DYNC2LI1: variants seen among roughly 807,000 people sequenced by gnomAD.
DYNC2LI1 encodes the protein dynein cytoplasmic 2 light intermediate chain 1.
DYNC2LI1 carries 45 observed loss-of-function variants against 51.9 expected under a neutral mutation model. The observed-to-expected ratio is 0.87, with a 90% confidence interval of 0.68 to 1.11. The LOEUF (loss-of-function observed/expected upper bound fraction) is 1.11. Ranked by LOEUF, DYNC2LI1 falls within the 50% of genes most tolerant of loss-of-function variation. The probability of loss-of-function intolerance (pLI) is 0.00; values close to 1 mark genes in which losing one functional copy is unlikely to be tolerated. For synonymous variants in DYNC2LI1, 130 were observed against 137.8 expected (o/e 0.94, Z 0.40); for missense variants, 490 against 417.4 (o/e 1.17, Z -1.51).
chr2:43,817,463 T>G, the DYNC2LI1 span, among the ~76,000 whole-genome samples: 1 of 151,662 alleles, frequency 6.6e-6, no homozygotes, highest in South Asian at 2.1e-4. Flanking sequence ...CCAGCCTGGG[T>G]GACAGAGTGA....
At chr2:43,775,798 A>G (rs1202617475) in intron 1 of DYNC2LI1, 2 of 278,614 alleles carry the variant, frequency 7.2e-6, no homozygotes, top group Non-Finnish European at 1.4e-5. Context: ...GGTGATTCTC[A>G]TGCCTCAGCC....
In DYNC2LI1 at chr2:43,774,150, T is replaced by G. The variant is rs749446194; in HGVS notation, c.8+4T>G. The G allele has an allele frequency of 5.0e-6, 8 of 1,613,974 alleles. No individual in the cohort carries two copies. The highest frequency in any genetic ancestry group is 1.7e-5 in the Admixed American group (1 of 60,016). ...CCAGGCCGTCGACGATGCCCAGGTA[T>G]TCCCTGAACCCGGCTTGCGTGGGAA... On this transcript the variant is annotated splice_donor_region_variant and intron_variant, in intron 1 of 12. Coordinates refer to ENST00000260605, the MANE Select transcript of DYNC2LI1 (RefSeq NM_016008.4).
chr2:43,823,416 T>C, the DYNC2LI1 span, among the ~76,000 whole-genome samples: 1 of 152,050 alleles, frequency 6.6e-6, no homozygotes, highest in Non-Finnish European at 1.5e-5. Context: ...AGTCCTTCCC[T>C]CTTATTCCCT....
At chr2:43,790,838 A>G (rs1478677189) in intron 5 of DYNC2LI1, among the ~76,000 whole-genome samples, 1 of 152,168 alleles carries the variant, frequency 6.6e-6, no homozygotes, top group East Asian at 1.9e-4. Context: ...TTTTACAGTT[A>G]TATAGTTTTT....
chr2:43,819,481 CTTT>C, the DYNC2LI1 span, among the ~76,000 whole-genome samples: 1 of 143,088 alleles, frequency 7.0e-6, no homozygotes. Flanking sequence ...ATCCTGCAGG[CTTT>C]TTTTTTTTTG....
intron 5 of DYNC2LI1, chr2:43,792,767 T>C: frequency 6.5e-7 from 1 of 1,544,352 alleles, no homozygotes. Flanking sequence ...TTTGTCCTTT[T>C]GTTATTTATT....
At chr2:43,779,567 A>G (rs573964116) in intron 2 of DYNC2LI1, among the ~76,000 whole-genome samples, 2 of 152,328 alleles carry the variant, frequency 1.3e-5, no homozygotes, top group South Asian at 2.1e-4. Flanking sequence ...TGACAATACC[A>G]TGAGACAAAT....
Position 43,789,711 on chromosome 2 carries a change from G to T in DYNC2LI1, c.310G>T (p.Asp104Tyr). 6.2e-7 allele frequency: 1 copy of T among 1,613,636 alleles called. No homozygotes were observed. The highest frequency in any genetic ancestry group is 1.1e-5 in the South Asian group (1 of 90,954). The change falls in exon 5 of 13, where the codon GAC (aspartate) becomes TAC (tyrosine). Residue 104 changes from aspartate (D) to tyrosine (Y), a missense_variant. By Grantham distance (160) the Asp-to-Tyr change is radical (BLOSUM62 -3). Coordinates refer to ENST00000260605, the MANE Select transcript of DYNC2LI1 (RefSeq NM_016008.4). The part of the protein sequence containing the change: ...LDLISIPITG[D>Y]TLRTFSLVLV... ...CTTAATCAGCATACCCATCACAGGT[G>T]ACACCTTACGGTAAGTGAGCCAGCT...
At chr2:43,819,202 C>A in the DYNC2LI1 span, among the ~76,000 whole-genome samples, 1 of 152,052 alleles carries the variant, frequency 6.6e-6, no homozygotes, top group African/African-American at 2.4e-5. Flanking sequence ...CTTACTAGAT[C>A]CCACTCACAC....
intron 2 of DYNC2LI1, among the ~76,000 whole-genome samples, chr2:43,778,948 A>G (rs1673150992): frequency 6.6e-6 from 1 of 152,148 alleles, no homozygotes; most frequent in Non-Finnish European, 1.5e-5. Context: ...TTTTGAGGGT[A>G]TTATTCTTTA....
chr2:43,818,252 T>G, the DYNC2LI1 span, among the ~76,000 whole-genome samples: 1 of 152,096 alleles, frequency 6.6e-6, no homozygotes, highest in African/African-American at 2.4e-5. Context: ...GAGACTAGCC[T>G]GGCCAACATG....
intron 2 of DYNC2LI1, among the ~76,000 whole-genome samples, chr2:43,782,712 T>G (rs1315832459): frequency 6.6e-6 from 1 of 152,206 alleles, no homozygotes; most frequent in Non-Finnish European, 1.5e-5. Context: ...TTGGGCATGG[T>G]GGCTCACACC....
chr2:43,802,402 C>T lies in DYNC2LI1; in HGVS notation c.802+693C>T, dbSNP rs547191258. ...TTTTTTTTTTTTTTGTATTTCCCAT[C>T]CTCTGTTAGTCTTACAAGCTAAAGG... On this transcript the variant is annotated intron_variant, in intron 10 of 12. Transcript: ENST00000260605. Among the ~76,000 whole-genome samples the T allele has an allele frequency of 2.1e-4, 30 of 146,264 alleles. No homozygotes were observed. The East Asian group carries it at 5.8e-3, about 28-fold the overall frequency.
At chr2:43,824,818 A>G in the DYNC2LI1 span, 11 of 1,595,798 alleles carry the variant, frequency 6.9e-6, no homozygotes, top group Non-Finnish European at 9.4e-6. Flanking sequence ...GACTGGTGTC[A>G]TCCAGGCAGA....
At chr2:43,819,885 A>C in the DYNC2LI1 span, 1 of 1,611,500 alleles carries the variant, frequency 6.2e-7, no homozygotes, top group Non-Finnish European at 8.5e-7. Flanking sequence ...GATTATCCCA[A>C]TCTAAATTTT....
the DYNC2LI1 span, chr2:43,827,834 A>G: frequency 7.9e-7 from 1 of 1,269,246 alleles, no homozygotes; most frequent in African/African-American, 1.5e-5. Flanking sequence ...ATTTCCAAAA[A>G]AACTGGGTCC....
chr2:43,796,547 G>A (rs979345881), intron 7 of DYNC2LI1, among the ~76,000 whole-genome samples, 171 bp from the exon 8 acceptor site: 1 of 152,106 alleles, frequency 6.6e-6, no homozygotes, highest in Non-Finnish European at 1.5e-5. Flanking sequence ...TTCTAAGAAG[G>A]CTGCAGCTAT....
At chr2:43,823,548 C>G in the DYNC2LI1 span, among the ~76,000 whole-genome samples, 1 of 151,890 alleles carries the variant, frequency 6.6e-6, no homozygotes, top group African/African-American at 2.4e-5. Flanking sequence ...AAAATCAGCT[C>G]CAAAGAGAAG....
At chr2:43,774,738 C>T (rs1004669625) in intron 1 of DYNC2LI1, among the ~76,000 whole-genome samples, 2 of 152,174 alleles carry the variant, frequency 1.3e-5, no homozygotes, top group South Asian at 2.1e-4. Flanking sequence ...ATCTTTTTCT[C>T]TCCTTGGGAT....
Sources: gnomAD v4.1 joint callset for allele counts (sites outside exome capture counted in the v4.1 genomes callset) on GRCh38, gnomAD v4.1.1 for gene constraint, MANE v1.5 for transcripts, NCBI Gene and HGNC (gene_info 2026-07-23, HGNC 2026-07-21) for gene names.